CD109: variants seen among roughly 807,000 people sequenced by gnomAD.
The protein encoded by CD109 is CD109 antigen.
CD109 carries 149 observed loss-of-function variants against 165.8 expected under a neutral mutation model. The ratio of observed to expected loss-of-function variants is 0.90; its 90% confidence interval spans 0.79 to 1.03. The LOEUF (loss-of-function observed/expected upper bound fraction) is 1.03. Ranked by LOEUF, CD109 falls within the 50% of genes least tolerant of loss-of-function variation. The pLI, the probability that CD109 is intolerant of heterozygous loss-of-function variation, is 0.00. For synonymous variants in CD109, 585 were observed against 592.1 expected, an observed-to-expected ratio of 0.99 and a Z score of 0.18; for missense variants, 1,712 against 1,677.8, an observed-to-expected ratio of 1.02 and a Z score of -0.36.
chr6:73,814,861 G>T, intron 29 of CD109, 120 bp from the exon 30 acceptor site: 1 of 534,176 alleles, frequency 1.9e-6, no homozygotes, highest in Non-Finnish European at 2.9e-6. Context: ...TTTCTAGTTT[G>T]AAGATTAAAA....
chr6:73,720,306 A>C (rs1771901739), intron 2 of CD109, among the ~76,000 whole-genome samples: 1 of 152,202 alleles, frequency 6.6e-6, no homozygotes, highest in South Asian at 2.1e-4. Flanking sequence ...TGTGGAAGGT[A>C]AAAAAAGATG....
the CD109 span, among the ~76,000 whole-genome samples, chr6:73,690,575 A>G: frequency 1.3e-4 from 19 of 151,984 alleles, no homozygotes; most frequent in Non-Finnish European, 2.8e-4. Flanking sequence ...CTAATTTTGT[A>G]TTTTTAGTAG....
rs556001436 is a variant in CD109, at chr6:73,804,551, G to A, written c.2960+1250G>A. On this transcript the variant is annotated intron_variant, in intron 24 of 32. Transcript: ENST00000287097. ...CTCTTAGGTGGTGGTGTTGGCAGGT[G>A]GGGGCTGGGTTGGTGCACACATAAA... Among the ~76,000 whole-genome samples the A allele has an allele frequency of 6.6e-5, 10 of 152,232 alleles. No homozygotes were observed. In the South Asian group the frequency reaches 1.9e-3, roughly 28 times the overall value.
chr6:73,768,282 C>T, intron 14 of CD109, 51 bp downstream of exon 14: 1 of 1,085,480 alleles, frequency 9.2e-7, no homozygotes, highest in Non-Finnish European at 1.4e-6. Context: ...TTAGTGAAGT[C>T]TGAGAAATGT....
chr6:73,767,081 G>A, intron 13 of CD109, 71 bp downstream of exon 13: 1 of 1,352,474 alleles, frequency 7.4e-7, no homozygotes, highest in South Asian at 1.3e-5. Context: ...TAAGTTCTGG[G>A]GTACATGTGC....
exon 33 of CD109, chr6:73,828,311 CTATT>C (rs979052371): frequency 1.7e-4 from 26 of 152,440 alleles, no homozygotes; most frequent in African/African-American, 5.5e-4. Context: ...AAATTCTCAT[CTATT>C]TATTATGTGT....
chr6:73,715,184 C>T (rs958137277), intron 2 of CD109, among the ~76,000 whole-genome samples: 4 of 152,114 alleles, frequency 2.6e-5, no homozygotes, highest in Non-Finnish European at 2.9e-5. Context: ...CTCTTGAACC[C>T]GGGAGGTGGA....
At position 73,762,891 on chromosome 6, in the gene CD109, A is replaced by G; in HGVS notation, c.997+9A>G. 1 of 1,594,466 alleles carries G rather than the reference A, an allele frequency of 6.3e-7. No individual in the cohort carries two copies. Among genetic ancestry groups the G allele is most frequent in the Non-Finnish European group, 8.5e-7 (1 of 1,174,672 alleles). On this transcript the variant is annotated intron_variant, in intron 9 of 32. Coordinates refer to ENST00000287097, the MANE Select transcript of CD109 (RefSeq NM_133493.5). ...GACAGAATCAGTTACAGGTTTGTAGACTTTAAAGTGGAGGTAAAACTATTC... is the reference window on the plus strand; with the variant it reads ...GACAGAATCAGTTACAGGTTTGTAGGCTTTAAAGTGGAGGTAAAACTATTC...
At chr6:73,731,335 T>A (rs968667598) in intron 4 of CD109, among the ~76,000 whole-genome samples, 5 of 152,214 alleles carry the variant, frequency 3.3e-5, no homozygotes, top group African/African-American at 1.2e-4. Context: ...CCAGCATGTT[T>A]GTTGCTTTCT....
At chr6:73,780,300 T>C in intron 15 of CD109, 124 bp from the exon 16 acceptor site, 1 of 734,800 alleles carries the variant, frequency 1.4e-6, no homozygotes, top group South Asian at 1.5e-5. Context: ...TATTCATTAC[T>C]CCTCAATTTG....
intron 23 of CD109, among the ~76,000 whole-genome samples, chr6:73,802,076 T>C (rs1775374298): frequency 6.6e-6 from 1 of 152,160 alleles, no homozygotes; most frequent in Non-Finnish European, 1.5e-5. Flanking sequence ...ACACTGGACT[T>C]TGAGATCTGT....
chr6:73,764,325 T>G (rs1773752096), intron 10 of CD109, among the ~76,000 whole-genome samples: 1 of 152,238 alleles, frequency 6.6e-6, no homozygotes, highest in Non-Finnish European at 1.5e-5. Flanking sequence ...TGCAAAGGGC[T>G]AGAGAGTAAA....
chr6:73,788,609 A>AT lies in CD109; in HGVS notation c.2700dup (p.Gly901TrpfsTer23), dbSNP rs1774790887. On this transcript the variant is annotated frameshift_variant, in exon 22 of 33. Coordinates refer to ENST00000287097, the MANE Select transcript of CD109 (RefSeq NM_133493.5). LOFTEE classifies it high-confidence loss of function. ...CAGTGAAAGAGTTCAGATCACTGCA[A>AT]TTGGTAAGAATAGAGTATATCACCA... 4.3e-6 allele frequency: 7 copies of AT among 1,611,082 alleles called. No homozygotes were observed. In the East Asian group the frequency reaches 1.6e-4, roughly 36 times the overall value.
In CD109 at chr6:73,714,372, G is replaced by A. The variant is rs1271241145; in HGVS notation, c.248-8879G>A. ...TGGGGTATGAAGGTCTGGCCCTTTC[G>A]CCCCAGTTCAGGACAACTCTCACTG... On this transcript the variant is annotated intron_variant, in intron 2 of 32. Coordinates refer to ENST00000287097, the MANE Select transcript of CD109 (RefSeq NM_133493.5). Among the ~76,000 whole-genome samples the A allele has an allele frequency of 1.2e-4, 19 of 152,056 alleles. 1 individual carries two copies. Among genetic ancestry groups the A allele is most frequent in the Admixed American group, 1.2e-3 (18 of 15,262 alleles).
chr6:73,812,119 G>T, intron 28 of CD109, 86 bp from the exon 29 acceptor site: 1 of 750,112 alleles, frequency 1.3e-6, no homozygotes, highest in Non-Finnish European at 2.2e-6. Context: ...TTTTCCTAAT[G>T]AGGGATAGGA....
At chr6:73,789,026 G>C (rs1405478828) in intron 22 of CD109, among the ~76,000 whole-genome samples, 1 of 152,180 alleles carries the variant, frequency 6.6e-6, no homozygotes, top group Non-Finnish European at 1.5e-5. Context: ...CTCCACCACT[G>C]GTGAATATCA....
At chr6:73,735,481 A>G (rs1772508434) in intron 4 of CD109, among the ~76,000 whole-genome samples, 1 of 152,088 alleles carries the variant, frequency 6.6e-6, no homozygotes, top group African/African-American at 2.4e-5. Flanking sequence ...GTGAGGATGG[A>G]AAGAAGGAGA....
At chr6:73,687,727 T>C in the CD109 span, among the ~76,000 whole-genome samples, 4 of 152,204 alleles carry the variant, frequency 2.6e-5, no homozygotes, top group Non-Finnish European at 4.4e-5. Context: ...AAACTTGCTC[T>C]GGGCAACAGG....
chr6:73,821,083 G>A (rs534992224), intron 32 of CD109, among the ~76,000 whole-genome samples: 12 of 152,166 alleles, frequency 7.9e-5, no homozygotes, highest in East Asian at 1.9e-4. Flanking sequence ...CTGCATGTTC[G>A]CACTCATAGG....
Sources: allele counts gnomAD v4.1 joint callset (sites outside exome capture counted in the v4.1 genomes callset), GRCh38; gene constraint gnomAD v4.1.1; transcripts MANE v1.5; gene names NCBI Gene and HGNC (gene_info 2026-07-23, HGNC 2026-07-21).